TMEM131: variants seen among roughly 807,000 people sequenced by gnomAD.
The protein encoded by TMEM131 is 2610524E03Rik.
A neutral mutation model predicts 211.6 loss-of-function variants in TMEM131; 66 were observed. The ratio of observed to expected loss-of-function variants is 0.31; its 90% CI spans 0.26 to 0.38. TMEM131 has a LOEUF of 0.38. Ranked by LOEUF, TMEM131 falls within the 10% of genes least tolerant of loss-of-function variation. The pLI is 1.00. For synonymous variants in TMEM131, 844 were observed against 841.3 expected, an observed-to-expected ratio of 1.00 and a Z score of -0.06; for missense variants, 2,036 against 2,299.3, an observed-to-expected ratio of 0.89 and a Z score of 2.34.
chr2:97,785,912 G>A (rs1381838452), intron 31 of TMEM131, among the ~76,000 whole-genome samples: 1 of 152,196 alleles, frequency 6.6e-6, no homozygotes, highest in Non-Finnish European at 1.5e-5. Flanking sequence ...TCCTTTTGGG[G>A]AAAAGTTCTC....
intron 3 of TMEM131, among the ~76,000 whole-genome samples, chr2:97,903,714 G>A (rs1004736046): frequency 1.3e-5 from 2 of 152,208 alleles, no homozygotes; most frequent in Middle Eastern, 3.4e-3. Context: ...TATTTTGAGA[G>A]GGAGTCTTGC....
intron 1 of TMEM131, among the ~76,000 whole-genome samples, chr2:97,969,556 T>C (rs1344794031): frequency 1.3e-5 from 2 of 152,250 alleles, no homozygotes; most frequent in African/African-American, 4.8e-5. Context: ...CTAAGAATGA[T>C]GTATCTTTCT....
intron 25 of TMEM131, among the ~76,000 whole-genome samples, chr2:97,798,838 T>C (rs1680892072): frequency 6.6e-6 from 1 of 152,230 alleles, no homozygotes; most frequent in Non-Finnish European, 1.5e-5. Context: ...TGCTTCAAGA[T>C]GGTTGGTGAG....
intron 2 of TMEM131, among the ~76,000 whole-genome samples, chr2:97,920,015 C>A (rs140795159): frequency 6.6e-6 from 1 of 152,212 alleles, no homozygotes; most frequent in East Asian, 1.9e-4. Context: ...GGTAAGGCCA[C>A]GTTCTTCTTG....
chr2:97,835,049 T>A (rs1045815239), intron 8 of TMEM131, 124 bp from the exon 9 acceptor site: 4 of 976,080 alleles, frequency 4.1e-6, no homozygotes, highest in Admixed American at 2.6e-5. Context: ...ATAAAAAAAA[T>A]GCATTGCTAA....
intron 33 of TMEM131, 42 bp from the exon 34 acceptor site, chr2:97,766,644 T>C (rs1161689219): frequency 6.2e-7 from 1 of 1,606,120 alleles, no homozygotes; most frequent in Admixed American, 1.7e-5. Context: ...TTTATTCCTC[T>C]GTTTTGGAGG....
At chr2:97,796,196 C>T (rs369476257) in intron 28 of TMEM131, 22 bp downstream of exon 28, 123 of 1,395,210 alleles carry the variant, frequency 8.8e-5, no homozygotes, top group African/African-American at 1.6e-4. Context: ...TGATTCATTA[C>T]ACCTTAAAAT....
chr2:97,943,067 AAGAAAGAAAGAAAG>A (rs1677863882), intron 1 of TMEM131, among the ~76,000 whole-genome samples: 1 of 138,216 alleles, frequency 7.2e-6, no homozygotes, highest in African/African-American at 2.6e-5. Context: ...GAAAGAAAGA[AAGAAAGAAAGAAAG>A]AAAGAAAGAA....
At chr2:97,817,369 C>A (rs1681879666) in intron 12 of TMEM131, among the ~76,000 whole-genome samples, 1 of 152,146 alleles carries the variant, frequency 6.6e-6, no homozygotes, top group Non-Finnish European at 1.5e-5. Flanking sequence ...AGCCAGATCA[C>A]CTGAGGTCAG....
intron 1 of TMEM131, among the ~76,000 whole-genome samples, chr2:97,976,960 C>CCA (rs1553623053): frequency 1.4e-4 from 16 of 112,182 alleles, no homozygotes; most frequent in African/African-American, 4.8e-4. Flanking sequence ...TATTTATATG[C>CCA]AAAAAAAAAA....
intron 2 of TMEM131, among the ~76,000 whole-genome samples, chr2:97,914,057 C>T (rs1676402884): frequency 1.3e-5 from 2 of 152,152 alleles, no homozygotes; most frequent in Admixed American, 1.3e-4. Context: ...CTTATCAACC[C>T]AATCTCCCCC....
intron 1 of TMEM131, among the ~76,000 whole-genome samples, chr2:97,960,518 C>T (rs1196774992): frequency 6.6e-6 from 1 of 151,974 alleles, no homozygotes; most frequent in Non-Finnish European, 1.5e-5. Flanking sequence ...CACATGTTTG[C>T]TTTACGACAC....
At chr2:97,887,879 A>C (rs920769197) in intron 4 of TMEM131, 173 bp downstream of exon 4, 1 of 560,950 alleles carries the variant, frequency 1.8e-6, no homozygotes, top group Non-Finnish European at 3.2e-6. Flanking sequence ...TTAGACTCCT[A>C]ATAGATACTT....
chr2:97,868,912 G>A (rs1415607064), intron 4 of TMEM131, among the ~76,000 whole-genome samples: 3 of 152,086 alleles, frequency 2.0e-5, no homozygotes, highest in African/African-American at 7.2e-5. Flanking sequence ...AAACAATTAG[G>A]GAAATGGGTA....
chr2:97,864,393 G>C (rs1483591605), intron 4 of TMEM131, among the ~76,000 whole-genome samples: 1 of 152,046 alleles, frequency 6.6e-6, no homozygotes. Flanking sequence ...TGGATTGTTG[G>C]TAACACAAAA....
intron 2 of TMEM131, among the ~76,000 whole-genome samples, chr2:97,922,823 G>A (rs1676801448): frequency 6.6e-6 from 1 of 151,990 alleles, no homozygotes; most frequent in Non-Finnish European, 1.5e-5. Flanking sequence ...TCTGGGTGGT[G>A]GTTACACAGG....
rs1297269668 is a variant in TMEM131 at position 97,896,183 on chromosome 2, G to T, written c.291-8063C>A. ...CCTGTAGTTGTGCAGTTTTAAGTGAGTTTCTTAATCCTGAGTTCGAATTTG... is the reference window on the plus strand; with the variant it reads ...CCTGTAGTTGTGCAGTTTTAAGTGATTTTCTTAATCCTGAGTTCGAATTTG... On this transcript the variant is annotated intron_variant, in intron 3 of 40. Coordinates refer to ENST00000186436, the MANE Select transcript of TMEM131 (RefSeq NM_015348.2). 3.9e-5 allele frequency among the ~76,000 whole-genome samples: 6 copies of T among 152,152 alleles called. No homozygotes were observed. In the South Asian group the frequency reaches 8.3e-4, roughly 21 times the overall value.
chr2:97,844,735 G>A lies in TMEM131; in HGVS notation c.484-474C>T, dbSNP rs572039764. Reference sequence around the variant, plus strand: ...AACTTAAATAGGAAAGAAGGCAGGGGTGAATGTATGTGCAGGAACTCACTC... The same window carrying A: ...AACTTAAATAGGAAAGAAGGCAGGGATGAATGTATGTGCAGGAACTCACTC... On this transcript the variant is annotated intron_variant, in intron 5 of 40. Transcript: ENST00000186436. 1.9e-4 allele frequency among the ~76,000 whole-genome samples: 29 copies of A among 152,314 alleles called. No homozygotes were observed. In the South Asian group the frequency reaches 3.9e-3, roughly 21 times the overall value.
chr2:97,793,528 T>C lies in TMEM131; in HGVS notation c.3412A>G (p.Thr1138Ala), dbSNP rs766319288. ...ATTCCTTGAGCTTCCAAATAGGCTG[T>C]TCCAATGACCAAAAGAAACAGTGCA... ...MSALFLLVIG[T>A]AYLEAQGIWE... The change falls in exon 30 of 41, where the codon ACA (threonine) becomes GCA (alanine). Residue 1138 changes from threonine (T) to alanine (A), a missense_variant. Around this residue, in one of 3 missense-constraint regions of TMEM131, gnomAD observed 1,623 missense variants for 1,805.9 expected, o/e 0.90. Transcript: ENST00000186436. The C allele has an allele frequency of 2.5e-6, 4 of 1,613,444 alleles. No homozygotes were observed. The highest frequency in any genetic ancestry group is 3.4e-6 in the Non-Finnish European group (4 of 1,179,692).
Sources: gnomAD v4.1 joint callset for allele counts (sites outside exome capture counted in the v4.1 genomes callset) on GRCh38, gnomAD v4.1.1 for gene constraint, gnomAD v4.1.1 regional missense constraint, MANE v1.5 for transcripts, NCBI Gene and HGNC (gene_info 2026-07-23, HGNC 2026-07-21) for gene names.